Variants in EXT2 observed in about 807,000 individuals in gnomAD.
EXT2 encodes the protein exostosin-2.
EXT2 carries 53 observed loss-of-function variants against 81.6 expected under a neutral mutation model. The ratio of observed to expected loss-of-function variants is 0.65; its 90% confidence interval spans 0.52 to 0.82. The LOEUF is 0.82. EXT2 is among the 40% of genes least tolerant of loss of function. EXT2 has a pLI of 0.00. For synonymous variants in EXT2, 320 were observed against 340.0 expected, an observed-to-expected ratio of 0.94 and a Z score of 0.65; for missense variants, 774 against 910.2, an observed-to-expected ratio of 0.85 and a Z score of 1.93.
rs149588004 is a variant in EXT2, at chr11:44,233,203, C to T, written c.1806+707C>T. Among the ~76,000 whole-genome samples, 402 of 151,852 alleles carry T rather than the reference C, an allele frequency of 2.6e-3. 7 individuals carry two copies. In the East Asian group the frequency reaches 0.056, roughly 21 times the overall value. On this transcript the variant is annotated intron_variant, in intron 11 of 13. Transcript: ENST00000533608. ...AGCATATATATGTTGTGTATGTATACGTGTGTGTGTGTCTGTTGGTTTCAG... is the reference window on the plus strand; with the variant it reads ...AGCATATATATGTTGTGTATGTATATGTGTGTGTGTGTCTGTTGGTTTCAG...
At chr11:44,214,259 C>G (rs950595300) in intron 10 of EXT2, among the ~76,000 whole-genome samples, 12 of 152,060 alleles carry the variant, frequency 7.9e-5, no homozygotes, top group African/African-American at 2.9e-4. Context: ...GGACTACAGG[C>G]GCCCACCACC....
intron 4 of EXT2, among the ~76,000 whole-genome samples, chr11:44,119,171 C>CAT (rs72385660): frequency 1.1e-4 from 2 of 17,826 alleles, no homozygotes; most frequent in African/African-American, 2.3e-4. Context: ...TATATATATA[C>CAT]ACATACACAC....
chr11:44,144,085 A>G (rs914579949), intron 7 of EXT2, among the ~76,000 whole-genome samples: 1 of 152,200 alleles, frequency 6.6e-6, no homozygotes, highest in Non-Finnish European at 1.5e-5. Context: ...TGCTTTCTCT[A>G]ATCAAACAAA....
chr11:44,225,892 G>A (rs1955833371), intron 10 of EXT2, among the ~76,000 whole-genome samples: 1 of 152,178 alleles, frequency 6.6e-6, no homozygotes, highest in Admixed American at 6.5e-5. Context: ...TTGGACAGTG[G>A]TCATCAGCTC....
intron 8 of EXT2, among the ~76,000 whole-genome samples, chr11:44,178,394 A>G (rs1353248374): frequency 6.6e-6 from 1 of 152,106 alleles, no homozygotes; most frequent in African/African-American, 2.4e-5. Context: ...CTTTCTCCTC[A>G]TCCATTTCCT....
rs377475588 is a variant in EXT2 at position 44,243,124 on chromosome 11, T to G, written c.2019-1025T>G. ...AATGACCAAGAGAGAAGTTTGTTCT[T>G]TTTGTAGTGCTCTCAGATGTCCTGG... On this transcript the variant is annotated intron_variant, in intron 13 of 13. Coordinates refer to ENST00000533608, the MANE Select transcript of EXT2 (RefSeq NM_207122.2). Among the ~76,000 whole-genome samples, 5 of 152,300 alleles carry G rather than the reference T, an allele frequency of 3.3e-5. No individual in the cohort carries two copies. The East Asian group carries it at 9.6e-4, about 29-fold the overall frequency.
At chr11:44,188,884 C>G (rs545241866) in intron 8 of EXT2, among the ~76,000 whole-genome samples, 1 of 152,122 alleles carries the variant, frequency 6.6e-6, no homozygotes, top group South Asian at 2.1e-4. Context: ...TTGAAAGGAT[C>G]AGAGCTGAGA....
In EXT2 at chr11:44,119,345, A is replaced by C. The variant is rs114068334; in HGVS notation, c.743+5044A>C. Among the ~76,000 whole-genome samples, 67 of 152,032 alleles carry C rather than the reference A, an allele frequency of 4.4e-4. 1 individual carries two copies. The highest frequency in any genetic ancestry group is 1.5e-3 in the African/African-American group (64 of 41,474). On this transcript the variant is annotated intron_variant, in intron 4 of 13. Transcript: ENST00000533608. ...CGGCAAAAGGATGCACAGCACAGTC[A>C]GAGAGGTAGAAGACGCATGGGGTGA...
At chr11:44,123,635 G>C (rs1378813942) in intron 4 of EXT2, among the ~76,000 whole-genome samples, 1 of 152,188 alleles carries the variant, frequency 6.6e-6, no homozygotes, top group Non-Finnish European at 1.5e-5. Context: ...TCCAAATCCA[G>C]AAATCTAAAA....
intron 10 of EXT2, among the ~76,000 whole-genome samples, chr11:44,221,519 C>T (rs1955781818): frequency 6.6e-6 from 1 of 152,162 alleles, no homozygotes; most frequent in Admixed American, 6.5e-5. Context: ...TAAAAGCTGC[C>T]TGCTGTCTCA....
intron 4 of EXT2, among the ~76,000 whole-genome samples, chr11:44,123,658 C>G (rs945802184): frequency 6.6e-6 from 1 of 152,150 alleles, no homozygotes; most frequent in African/African-American, 2.4e-5. Context: ...TTTCAATGAG[C>G]ATTTCTTTTG....
At chr11:44,226,550 C>T (rs1382101559) in intron 10 of EXT2, among the ~76,000 whole-genome samples, 1 of 152,194 alleles carries the variant, frequency 6.6e-6, no homozygotes, top group Non-Finnish European at 1.5e-5. Flanking sequence ...AAAATGAAGG[C>T]AGTCAGTCCC....
At chr11:44,120,302 T>C (rs935060660) in intron 4 of EXT2, among the ~76,000 whole-genome samples, 174 of 152,306 alleles carry the variant, frequency 1.1e-3, no homozygotes, top group African/African-American at 4.1e-3. Flanking sequence ...AATAACCCGA[T>C]AGGAGTGTCC....
chr11:44,193,437 A>G (rs1044320824), intron 8 of EXT2, among the ~76,000 whole-genome samples: 1 of 152,226 alleles, frequency 6.6e-6, no homozygotes, highest in Non-Finnish European at 1.5e-5. Flanking sequence ...GCTAAGTAAT[A>G]CTACCTAGAA....
At chr11:44,176,619 G>A (rs975435064) in intron 8 of EXT2, among the ~76,000 whole-genome samples, 6 of 152,136 alleles carry the variant, frequency 3.9e-5, no homozygotes, top group East Asian at 1.9e-4. Context: ...CCTGAATAGC[G>A]ATGGTTTATT....
At chr11:44,223,988 T>G (rs1955811956) in intron 10 of EXT2, among the ~76,000 whole-genome samples, 1 of 152,168 alleles carries the variant, frequency 6.6e-6, no homozygotes, top group Non-Finnish European at 1.5e-5. Context: ...GGAGGGACCC[T>G]TGTGGCTGTG....
intron 7 of EXT2, among the ~76,000 whole-genome samples, chr11:44,166,532 G>T (rs1372262957): frequency 6.6e-6 from 1 of 152,166 alleles, no homozygotes; most frequent in Non-Finnish European, 1.5e-5. Flanking sequence ...TTCTCATTGT[G>T]CATGCTTTGC....
intron 9 of EXT2, 197 bp downstream of exon 9, chr11:44,198,215 C>A: frequency 1.6e-6 from 1 of 630,778 alleles, no homozygotes; most frequent in Non-Finnish European, 2.8e-6. Flanking sequence ...TACTCTGTAG[C>A]CACAAGTGTT....
At chr11:44,102,605 A>G (rs1954002102) in intron 1 of EXT2, among the ~76,000 whole-genome samples, 1 of 150,108 alleles carries the variant, frequency 6.7e-6, no homozygotes, top group East Asian at 2.0e-4. Flanking sequence ...GGTAGCAAGC[A>G]AAATATGATA....
Sources: gnomAD v4.1 joint callset for allele counts (sites outside exome capture counted in the v4.1 genomes callset) on GRCh38, gnomAD v4.1.1 for gene constraint, MANE v1.5 for transcripts, NCBI Gene and HGNC (gene_info 2026-07-23, HGNC 2026-07-21) for gene names.